The following SCART1 variants were observed in gnomAD, a reference collection of about 807,000 sequenced individuals.
SCART1 encodes scavenger receptor family member expressed on T cells 1, also known as scavenger receptor cysteine-rich domain-containing protein SCART1.
In SCART1, 62 loss-of-function variants were observed where a neutral mutation model predicts 36.2. The observed-to-expected ratio is 1.71, with a 90% CI of 1.40 to 2.12. The LOEUF is 2.12. Ranked by LOEUF, SCART1 falls within the 30% of genes most tolerant of loss-of-function variation. The pLI is 0.00. For missense variants in SCART1, 1,041 were observed against 540.5 expected, an observed-to-expected ratio of 1.93 and a Z score of -9.18; for synonymous variants, 487 against 238.7, an observed-to-expected ratio of 2.04 and a Z score of -9.59.
chr10:133,459,344 G>C lies in SCART1; in HGVS notation c.1285+18G>C, dbSNP rs1483859998. On this transcript the variant is annotated intron_variant, in intron 5 of 11. Transcript: ENST00000640237. ...CTGCTCAGGTGGGTGCAGCCAGGAC[G>C]GTGGACCAGGAGGGTGAGTGAGAGG... The C allele has an allele frequency of 1.6e-6, 1 of 623,776 alleles. No homozygotes were observed. The highest frequency in any genetic ancestry group is 2.7e-5 in the East Asian group (1 of 36,468). 38.6% of individuals were successfully genotyped at this position (623,776 alleles called of 1,614,324 possible).
intron 6 of SCART1, among the ~76,000 whole-genome samples, chr10:133,461,315 C>T (rs1428504647): frequency 6.6e-6 from 1 of 152,134 alleles, no homozygotes; most frequent in African/African-American, 2.4e-5. Flanking sequence ...TGTGGTCTCC[C>T]AGGGTATTTT....
chr10:133,461,918 C>T (rs1282289720), intron 6 of SCART1, among the ~76,000 whole-genome samples: 2 of 152,246 alleles, frequency 1.3e-5, no homozygotes, highest in African/African-American at 4.8e-5. Flanking sequence ...TTCTGTGAAG[C>T]TTCATTCTGG....
At chr10:133,462,369 G>A (rs1264950417) in intron 6 of SCART1, among the ~76,000 whole-genome samples, 1 of 152,334 alleles carries the variant, frequency 6.6e-6, no homozygotes, top group East Asian at 1.9e-4. Context: ...CTAGACATAG[G>A]TAGAAGATTT....
intron 5 of SCART1, 72 bp from the exon 6 acceptor site, chr10:133,459,415 C>A: frequency 4.9e-6 from 3 of 615,274 alleles, no homozygotes; most frequent in Non-Finnish European, 8.7e-6. Context: ...CGGAGAGGTA[C>A]GGGCCCTGCT....
exon 12 of SCART1, chr10:133,468,058 C>T (rs1850783421): frequency 3.4e-6 from 2 of 594,826 alleles, no homozygotes; most frequent in African/African-American, 1.8e-5. Context: ...GTGAGAACAC[C>T]TTGGATGCCT....
rs11814497 is a variant in SCART1 at position 133,457,326 on chromosome 10, G to A, written c.433G>A (p.Ala145Thr). Residue 145 changes from alanine to threonine, a missense_variant, in exon 3 of 12, where the codon GCG (alanine) becomes ACG (threonine). Coordinates refer to ENST00000640237, the Ensembl canonical transcript of SCART1. The stretch of plus-strand genomic sequence containing the variant: ...GCTGGTGAAGGGCCGCAGTCCCTGC[G>A]CGGGACTCCCCGAGATCAGAAACGT... The A allele has an allele frequency of 2.3e-3, 1,632 of 694,510 alleles. 22 individuals are homozygous for A. In the African/African-American group the frequency reaches 0.028, roughly 12 times the overall value. 43.0% of individuals were successfully genotyped at this position (694,510 alleles called of 1,614,324 possible).
exon 5 of SCART1, chr10:133,459,106 C>T (rs1850660905): frequency 2.8e-6 from 2 of 701,794 alleles, no homozygotes; most frequent in East Asian, 5.4e-5. Context: ...TCTGTGCCAC[C>T]CACTGGGACA....
intron 6 of SCART1, chr10:133,464,222 A>G (rs1850735527): frequency 4.4e-6 from 1 of 225,826 alleles, no homozygotes; most frequent in South Asian, 1.1e-4. Flanking sequence ...GTTGTTGGAC[A>G]TTACACTCAT....
chr10:133,459,010 C>G lies in SCART1; in HGVS notation c.980-11C>G. On this transcript the variant is annotated splice_polypyrimidine_tract_variant and intron_variant, in intron 4 of 11. Transcript: ENST00000640237. ...CGTCTGCAAGCCAGGCTGACTCCTC[C>G]TCTCCCCCAGAGTTCAGGATGGTCA... The G allele has an allele frequency of 1.5e-6, 1 of 666,462 alleles. No homozygotes were observed. The highest frequency in any genetic ancestry group is 2.7e-6 in the Non-Finnish European group (1 of 365,114). The allele number at this position is 666,462 out of a possible 1,614,324, so 41.3% of individuals were successfully genotyped here.
exon 2 of SCART1, chr10:133,456,517 G>A (rs1412653866): frequency 2.2e-5 from 15 of 685,416 alleles, no homozygotes; most frequent in Admixed American, 6.1e-5. Flanking sequence ...GCCAGAGCCC[G>A]TGCCCCCACG....
chr10:133,460,689 C>T (rs896888127), intron 6 of SCART1, among the ~76,000 whole-genome samples: 1 of 151,668 alleles, frequency 6.6e-6, no homozygotes, highest in Non-Finnish European at 1.5e-5. Flanking sequence ...AAGTGAGGCA[C>T]TGCCGCTGGC....
chr10:133,469,394 C>G (rs1441635476), downstream of SCART1, among the ~76,000 whole-genome samples: 1 of 152,132 alleles, frequency 6.6e-6, no homozygotes, highest in African/African-American at 2.4e-5. Flanking sequence ...ACATATACAC[C>G]ATGGAATATT....
chr10:133,467,455 A>G, intron 11 of SCART1, 102 bp downstream of exon 11: 2 of 616,484 alleles, frequency 3.2e-6, no homozygotes, highest in Admixed American at 5.2e-5. Context: ...GCCTGGCTTC[A>G]GAAGGCTGCT....
exon 1 of SCART1, chr10:133,453,980 C>T (rs1176147213): frequency 2.8e-6 from 2 of 702,958 alleles, no homozygotes; most frequent in Admixed American, 2.0e-5. Context: ...TTGCTGAAGC[C>T]CAGAGGGCTG....
At chr10:133,462,412 TA>T (rs1850712863) in intron 6 of SCART1, among the ~76,000 whole-genome samples, 7 of 152,254 alleles carry the variant, frequency 4.6e-5, no homozygotes, top group Admixed American at 4.6e-4. Flanking sequence ...ACTATATTGC[TA>T]ATATCTTTGA....
intron 7 of SCART1, 65 bp downstream of exon 7, chr10:133,464,976 G>C: frequency 1.4e-6 from 1 of 701,966 alleles, no homozygotes; most frequent in South Asian, 1.5e-5. Flanking sequence ...AGGTTTATCT[G>C]TCCTGACAGG....
At chr10:133,454,573 G>A (rs1472044025) in intron 1 of SCART1, among the ~76,000 whole-genome samples, 1 of 152,012 alleles carries the variant, frequency 6.6e-6, no homozygotes, top group Non-Finnish European at 1.5e-5. Context: ...TAGAGAGGGG[G>A]GTCTAGCTAG....
At position 133,460,471 on chromosome 10, in the gene SCART1, C is replaced by CATATATATATATATATAT. The variant is rs55751015; in HGVS notation, c.1969+302_1969+319dup. Among the ~76,000 whole-genome samples, 133 of 136,462 alleles carry CATATATATATATATATAT rather than the reference C, an allele frequency of 9.7e-4. 4 individuals carry two copies. The highest frequency in any genetic ancestry group is 3.7e-3 in the African/African-American group (130 of 35,488). 89.5% of individuals were successfully genotyped at this position (136,462 alleles called of 152,430 possible). A position where few individuals can be genotyped will look rare whatever the true frequency, so the allele number is the denominator to read the frequency against. ...GCGCTTGAAGTTTCCATCCGAAATT[C>CATATATATATATATATAT]ATATATATATATATATATTTATATA... On this transcript the variant is annotated intron_variant, in intron 6 of 11. Coordinates refer to ENST00000640237, the Ensembl canonical transcript of SCART1.
At chr10:133,466,263 A>G in exon 10 of SCART1, 1 of 702,764 alleles carries the variant, frequency 1.4e-6, no homozygotes. Context: ...CACTGCCTGC[A>G]GCTCCCTTCC....
Sources: allele counts gnomAD v4.1 joint callset (sites outside exome capture counted in the v4.1 genomes callset), GRCh38; gene constraint gnomAD v4.1.1; transcripts MANE v1.5; gene names NCBI Gene and HGNC (gene_info 2026-07-23, HGNC 2026-07-21).